The following GNAI3 variants were observed in gnomAD, a reference collection of about 807,000 sequenced individuals.
GNAI3 encodes G protein subunit alpha i3, also known as guanine nucleotide-binding protein G(i) subunit alpha-3.
GNAI3 carries 12 observed loss-of-function variants against 41.8 expected under a neutral mutation model. The ratio of observed to expected loss-of-function variants is 0.29; its 90% confidence interval spans 0.18 to 0.47. The LOEUF is 0.47. Among genes scored for constraint, GNAI3 ranks in the 20% least tolerant of loss-of-function variants. The pLI, the probability that GNAI3 is intolerant of heterozygous loss-of-function variation, is 1.00. For missense variants in GNAI3, 360 were observed against 429.6 expected (o/e 0.84, Z 1.43); for synonymous variants, 132 against 146.5 (o/e 0.90, Z 0.71).
chr1:109,564,378 C>G (rs1466733484), intron 1 of GNAI3, among the ~76,000 whole-genome samples: 1 of 152,014 alleles, frequency 6.6e-6, no homozygotes, highest in East Asian at 1.9e-4. Context: ...GGTCAACAAC[C>G]TTTGTTGTAA....
intron 4 of GNAI3, among the ~76,000 whole-genome samples, chr1:109,581,112 G>A (rs895214896): frequency 4.6e-5 from 7 of 152,056 alleles, no homozygotes; most frequent in African/African-American, 1.7e-4. Flanking sequence ...ATTAGTGATA[G>A]TATTTGGTTT....
chr1:109,584,473 T>G (rs1045809412), intron 5 of GNAI3, among the ~76,000 whole-genome samples: 1 of 152,228 alleles, frequency 6.6e-6, no homozygotes, highest in Non-Finnish European at 1.5e-5. Flanking sequence ...TATAAATCAG[T>G]CTTTAGTTAG....
chr1:109,579,378 T>C lies in GNAI3; in HGVS notation c.461+17T>C. On this transcript the variant is annotated intron_variant, in intron 4 of 8. Coordinates refer to ENST00000369851, the MANE Select transcript of GNAI3 (RefSeq NM_006496.4). ...TGCTTCATAGTAAGTAATTTTTCTCTGTGAAACTATAACAGAGAATAACTT... is the reference window on the plus strand; with the variant it reads ...TGCTTCATAGTAAGTAATTTTTCTCCGTGAAACTATAACAGAGAATAACTT... 1.3e-6 allele frequency: 2 copies of C among 1,591,730 alleles called. No homozygotes were observed. The highest frequency in any genetic ancestry group is 1.7e-6 in the Non-Finnish European group (2 of 1,162,500).
chr1:109,574,293 CTT>C (rs559996663), intron 3 of GNAI3, among the ~76,000 whole-genome samples: 28 of 136,858 alleles, frequency 2.0e-4, no homozygotes, highest in Middle Eastern at 3.8e-3. Flanking sequence ...TATTCAATTG[CTT>C]TTTTTTTTTT....
chr1:109,557,056 C>G (rs1648172360), intron 1 of GNAI3, among the ~76,000 whole-genome samples: 1 of 152,180 alleles, frequency 6.6e-6, no homozygotes, highest in Non-Finnish European at 1.5e-5. Context: ...ATGCCTCAGC[C>G]TTCTGCGTAG....
rs769521496 is a variant in GNAI3 at position 109,580,147 on chromosome 1, G to A, written c.461+786G>A. On this transcript the variant is annotated intron_variant, in intron 4 of 8. Coordinates refer to ENST00000369851, the MANE Select transcript of GNAI3 (RefSeq NM_006496.4). ...CTCCCAAGTAACTGGGACTACAGGC[G>A]CCCGCCACCATGCCCGGCTAATTTG... 5.9e-5 allele frequency among the ~76,000 whole-genome samples: 9 copies of A among 152,134 alleles called. No individual in the cohort carries two copies. The East Asian group carries it at 9.7e-4, about 16-fold the overall frequency.
At chr1:109,574,312 A>T (rs756987761) in intron 3 of GNAI3, among the ~76,000 whole-genome samples, 11 of 150,424 alleles carry the variant, frequency 7.3e-5, no homozygotes, top group Non-Finnish European at 1.5e-4. Context: ...TTTTTTTAAC[A>T]GCACTGTTGA....
intron 1 of GNAI3, among the ~76,000 whole-genome samples, chr1:109,562,207 AATT>A (rs1648328822): frequency 6.6e-6 from 1 of 151,562 alleles, no homozygotes; most frequent in African/African-American, 2.5e-5. Context: ...TACTGGGAAA[AATT>A]AAATGACAAA....
At chr1:109,571,570 G>A (rs114849051) in intron 1 of GNAI3, among the ~76,000 whole-genome samples, 2,645 of 152,260 alleles carry the variant, frequency 0.017, 43 homozygotes, top group Middle Eastern at 0.037. Flanking sequence ...CAGTGTGGCC[G>A]AGGGTACTCA....
rs754615263 is a variant in GNAI3 at position 109,573,963 on chromosome 1, A to T, written c.229A>T (p.Thr77Ser). The change falls in exon 3 of 9, where the codon ACT becomes TCT. Residue 77 changes from threonine (T) to serine (S), a missense_variant. Thr to Ser is a moderately conservative substitution (Grantham distance 58). Transcript: ENST00000369851. Reference sequence around the variant, plus strand: ...ATATAAAGTAGTTGTCTACAGCAATACTATACAGTCCATCATTGCAATCAT... The same window carrying T: ...ATATAAAGTAGTTGTCTACAGCAATTCTATACAGTCCATCATTGCAATCAT... ...KQYKVVVYSN[T>S]IQSIIAIIRA... 6.2e-7 allele frequency: 1 copy of T among 1,605,290 alleles called. No individual in the cohort carries two copies. Among genetic ancestry groups the T allele is most frequent in the African/African-American group, 1.3e-5 (1 of 74,778 alleles).
chr1:109,592,686 G>A lies in GNAI3; in HGVS notation c.*364G>A, dbSNP rs7371. 0.18 allele frequency: 26,869 copies of A among 152,872 alleles called. 2,561 individuals are homozygous for A. Among genetic ancestry groups the A allele is most frequent in the East Asian group, 0.34 (1,752 of 5,188 alleles). 9.5% of individuals were successfully genotyped at this position (152,872 alleles called of 1,614,324 possible). A position where few individuals can be genotyped will look rare whatever the true frequency, so the allele number is the denominator to read the frequency against. On this transcript the variant is annotated 3_prime_UTR_variant, in exon 9 of 9. Transcript: ENST00000369851. ...AAACCACCAGTGGTTCATTTTTAAG[G>A]TTTTTTCATCAAGAGAAGAATAACT...
intron 3 of GNAI3, among the ~76,000 whole-genome samples, chr1:109,578,552 C>T (rs946132842): frequency 6.6e-6 from 1 of 151,644 alleles, no homozygotes; most frequent in Non-Finnish European, 1.5e-5. Context: ...TTCTTTTCCT[C>T]CTGCTCCCTT....
At position 109,548,697 on chromosome 1, in the gene GNAI3, C is replaced by T. The variant is rs373043112; in HGVS notation, c.-24C>T. ...TCCGTGGTGTGAGTGAGTCCGGGCCCGTGTCCCCTCTCCCGCCGCCGCCAT... is the reference window on the plus strand; with the variant it reads ...TCCGTGGTGTGAGTGAGTCCGGGCCTGTGTCCCCTCTCCCGCCGCCGCCAT... On this transcript the variant is annotated 5_prime_UTR_variant, in exon 1 of 9. Transcript: ENST00000369851. 106 of 1,535,198 alleles carry T rather than the reference C, an allele frequency of 6.9e-5. No homozygotes were observed. The South Asian group carries it at 9.1e-4, about 13-fold the overall frequency.
rs1271796094 is a variant in GNAI3 at position 109,579,129 on chromosome 1, A to G, written c.304-75A>G. On this transcript the variant is annotated intron_variant, in intron 3 of 8. Coordinates refer to ENST00000369851, the MANE Select transcript of GNAI3 (RefSeq NM_006496.4). ...TTTTAACATAACATGTAATGTGTCT[A>G]TATTTTAAAGAGACTGTCATCAAGT... The G allele has an allele frequency of 6.7e-6, 8 of 1,196,274 alleles. No individual in the cohort carries two copies. The Admixed American group carries it at 8.6e-5, about 13-fold the overall frequency. The allele number at this position is 1,196,274 out of a possible 1,614,324, so 74.1% of individuals were successfully genotyped here.
chr1:109,580,460 A>G (rs1415918016), intron 4 of GNAI3, among the ~76,000 whole-genome samples: 1 of 152,142 alleles, frequency 6.6e-6, no homozygotes, highest in Non-Finnish European at 1.5e-5. Flanking sequence ...AAATTGTTAC[A>G]AGAAGAAATT....
At position 109,597,300 on chromosome 1, in the gene GNAI3, A is replaced by G. The variant is rs945450605; in HGVS notation, c.*4978A>G. 3 of 152,082 alleles carry G rather than the reference A, an allele frequency of 2.0e-5. No homozygotes were observed. The highest frequency in any genetic ancestry group is 2.9e-5 in the Non-Finnish European group (2 of 68,042). The allele number at this position is 152,082 out of a possible 1,614,324, so 9.4% of individuals were successfully genotyped here. A position where few individuals can be genotyped will look rare whatever the true frequency, so the allele number is the denominator to read the frequency against. On this transcript the variant is annotated 3_prime_UTR_variant, in exon 9 of 9. Transcript: ENST00000369851. ...AACATGGTGAAACCCCGTCTTTACT[A>G]AAAATACAAAAATTAGCCAGGCATG...
chr1:109,579,095 C>T, intron 3 of GNAI3, 109 bp from the exon 4 acceptor site: 1 of 857,678 alleles, frequency 1.2e-6, no homozygotes, highest in Non-Finnish European at 1.8e-6. Context: ...GTCTCTGTAA[C>T]AACACCTCTT....
At chr1:109,568,271 G>T (rs997372688) in intron 1 of GNAI3, among the ~76,000 whole-genome samples, 1 of 151,958 alleles carries the variant, frequency 6.6e-6, no homozygotes, top group Admixed American at 6.6e-5. Flanking sequence ...GCAGTGGCTC[G>T]CCCCTGTAAT....
intron 1 of GNAI3, among the ~76,000 whole-genome samples, chr1:109,553,981 T>G (rs1163992937): frequency 1.3e-5 from 2 of 152,332 alleles, no homozygotes; most frequent in African/African-American, 4.8e-5. Flanking sequence ...CCTGAGTTAC[T>G]TCACTTAGAG....
Sources: allele counts gnomAD v4.1 joint callset (sites outside exome capture counted in the v4.1 genomes callset), GRCh38; gene constraint gnomAD v4.1.1; transcripts MANE v1.5; gene names NCBI Gene and HGNC (gene_info 2026-07-23, HGNC 2026-07-21).